The following STAM2 variants were observed in gnomAD, a reference collection of about 807,000 sequenced individuals.
STAM2 encodes signal transducing adaptor molecule 2.
In STAM2, 51 loss-of-function variants were observed where a neutral mutation model predicts 65.6. That is an observed-to-expected ratio of 0.78 (90% confidence interval 0.62 to 0.98). The LOEUF (loss-of-function observed/expected upper bound fraction) is 0.98, where lower values mean the gene tolerates loss of function less well. Among genes scored for constraint, STAM2 ranks in the 50% least tolerant of loss-of-function variants. The pLI is 0.00. For missense variants in STAM2, 584 were observed against 617.8 expected (o/e 0.95, Z 0.58); for synonymous variants, 198 against 208.4 (o/e 0.95, Z 0.43).
At chr2:152,133,067 G>A in intron 10 of STAM2, 106 bp downstream of exon 10, 1 of 432,174 alleles carries the variant, frequency 2.3e-6, no homozygotes, top group Non-Finnish European at 3.6e-6. Context: ...CCCCACCGGA[G>A]ATTTCTAACC....
intron 7 of STAM2, among the ~76,000 whole-genome samples, chr2:152,137,437 T>C (rs532349694): frequency 6.6e-6 from 1 of 152,306 alleles, no homozygotes; most frequent in South Asian, 2.1e-4. Context: ...TTTTTTTTCG[T>C]ATTTTTGCCC....
intron 8 of STAM2, among the ~76,000 whole-genome samples, chr2:152,134,403 TAGAG>T (rs1393348343): frequency 6.6e-6 from 1 of 152,190 alleles, no homozygotes; most frequent in Non-Finnish European, 1.5e-5. Flanking sequence ...CCTATCTACT[TAGAG>T]AGTCAGTTAA....
chr2:152,147,123 T>C (rs372344131), intron 5 of STAM2, 39 bp downstream of exon 5: 1 of 1,547,846 alleles, frequency 6.5e-7, no homozygotes, highest in African/African-American at 1.4e-5. Flanking sequence ...ACCTTCAAAA[T>C]ATTATAGGGT....
intron 1 of STAM2, among the ~76,000 whole-genome samples, chr2:152,164,165 C>G (rs1023450289): frequency 1.3e-5 from 2 of 152,074 alleles, no homozygotes; most frequent in African/African-American, 4.8e-5. Flanking sequence ...AAATTCTTCT[C>G]TTTGTACTCT....
chr2:152,141,574 A>C (rs556466399), intron 7 of STAM2, among the ~76,000 whole-genome samples: 51 of 151,300 alleles, frequency 3.4e-4, no homozygotes, highest in African/African-American at 1.2e-3. Flanking sequence ...CTATCAGCTC[A>C]ATGTTTTTTT....
At position 152,120,562 on chromosome 2, in the gene STAM2, C is replaced by T. The variant is rs139852594; in HGVS notation, c.*12G>A. On this transcript the variant is annotated 3_prime_UTR_variant, in exon 14 of 14. Coordinates refer to ENST00000263904, the MANE Select transcript of STAM2 (RefSeq NM_005843.6). ...ACTTATGAAGGCTTTCAAGAAAATG[C>T]TTGATTTGTTTCTAAAGGAGAGGCT... is the stretch of plus-strand genomic sequence containing the variant. 667 of 1,611,960 alleles carry T rather than the reference C, an allele frequency of 4.1e-4. 1 individual carries two copies. In the African/African-American group the frequency reaches 7.2e-3, roughly 17 times the overall value.
intron 7 of STAM2, among the ~76,000 whole-genome samples, chr2:152,139,533 C>T (rs1039406113): frequency 2.0e-5 from 3 of 152,182 alleles, no homozygotes; most frequent in African/African-American, 7.2e-5. Context: ...AACCACTGCA[C>T]TCCAGCCTCG....
At chr2:152,123,198 C>T (rs1460936634) in intron 13 of STAM2, among the ~76,000 whole-genome samples, 4 of 151,948 alleles carry the variant, frequency 2.6e-5, no homozygotes, top group African/African-American at 4.8e-5. Context: ...GCTGAAACCC[C>T]GTCTCTACTA....
chr2:152,143,583 C>A (rs1343970705), intron 7 of STAM2, among the ~76,000 whole-genome samples: 1 of 152,134 alleles, frequency 6.6e-6, no homozygotes, highest in East Asian at 1.9e-4. Context: ...CAATTGTGGT[C>A]ATCAACAATA....
In STAM2 at chr2:152,175,623, T is replaced by C. The variant is rs530875493; in HGVS notation, c.20A>G (p.Asn7Ser). 55 of 1,613,748 alleles carry C rather than the reference T, an allele frequency of 3.4e-5. No homozygotes were observed. The highest frequency in any genetic ancestry group is 3.3e-5 in the Admixed American group (2 of 59,968). ...CTCACCCACGTCTTGCTCGAAGGGG[T>C]TGGCGGTGAACAAAGGCATCTCGCC... MPLFTANPFEQDVEKAT... is the reference protein window; with the variant it reads MPLFTASPFEQDVEKAT... Residue 7 changes from asparagine to serine, a missense_variant, in exon 1 of 14, where the codon AAC becomes AGC. Asn to Ser is a conservative substitution (Grantham distance 46, BLOSUM62 1). Coordinates refer to ENST00000263904, the MANE Select transcript of STAM2 (RefSeq NM_005843.6).
chr2:152,175,507 C>T (rs2105576993), intron 1 of STAM2, 96 bp downstream of exon 1: 1 of 1,519,370 alleles, frequency 6.6e-7, no homozygotes, highest in Non-Finnish European at 9.1e-7. Context: ...CGCTTTGCTT[C>T]CTAGTCCCCG....
chr2:152,157,018 G>A (rs368284618), intron 1 of STAM2, among the ~76,000 whole-genome samples: 1 of 152,136 alleles, frequency 6.6e-6, no homozygotes, highest in Non-Finnish European at 1.5e-5. Flanking sequence ...TTTGAGGGAA[G>A]GGAAATATGT....
chr2:152,147,192 T>C lies in STAM2; in HGVS notation c.417A>G (p.Glu139=), dbSNP rs1689351218. ...AACCTGCTGGAGGAAAAGTAATTCC[T>C]TCTTCTTTCATAGATTTAATAGTTG... ...ISATIKSMKE[E]GITFPPAGSQ... The change falls in exon 5 of 14, where the codon GAA becomes GAG. Residue 139 remains glutamate (E), a synonymous_variant. Transcript: ENST00000263904. 6.2e-7 allele frequency: 1 copy of C among 1,609,002 alleles called. No individual in the cohort carries two copies.
chr2:152,163,791 C>T (rs181387794), intron 1 of STAM2, among the ~76,000 whole-genome samples: 33 of 152,184 alleles, frequency 2.2e-4, no homozygotes, highest in African/African-American at 5.3e-4. Flanking sequence ...GTGTCTTATG[C>T]GGTTGAGATA....
rs746695254 is a variant in STAM2 at position 152,135,490 on chromosome 2, C to T, written c.799+19G>A. 6 of 1,530,688 alleles carry T rather than the reference C, an allele frequency of 3.9e-6. No homozygotes were observed. In the African/African-American group the frequency reaches 4.1e-5, roughly 10 times the overall value. The allele number at this position is 1,530,688 out of a possible 1,614,324, so 94.8% of individuals were successfully genotyped here. ...AAAAAAACTTAAATAGATCTAATGT[C>T]GTCTAAGATTTAACTTACCTGCCTC... On this transcript the variant is annotated intron_variant, in intron 8 of 13. Transcript: ENST00000263904.
chr2:152,169,859 T>C (rs915145650), intron 1 of STAM2, among the ~76,000 whole-genome samples: 14 of 151,178 alleles, frequency 9.3e-5, no homozygotes, highest in African/African-American at 3.4e-4. Flanking sequence ...AGCTACACTT[T>C]TTTTTTTTTT....
intron 1 of STAM2, among the ~76,000 whole-genome samples, chr2:152,174,974 G>C (rs933152090): frequency 2.0e-5 from 3 of 152,134 alleles, no homozygotes; most frequent in African/African-American, 7.2e-5. Context: ...GGAGTGTTTT[G>C]AGACTGGAGA....
intron 1 of STAM2, among the ~76,000 whole-genome samples, chr2:152,159,584 C>T (rs547937576): frequency 3.2e-4 from 48 of 152,264 alleles, no homozygotes; most frequent in African/African-American, 1.1e-3. Context: ...ATCTCCTGAG[C>T]GTCCCTCATG....
intron 13 of STAM2, among the ~76,000 whole-genome samples, chr2:152,121,973 G>A (rs928718764): frequency 1.3e-5 from 2 of 151,816 alleles, no homozygotes; most frequent in South Asian, 2.1e-4. Context: ...GCATGAACCC[G>A]GGAGGTGGGG....
Sources: allele counts gnomAD v4.1 joint callset (sites outside exome capture counted in the v4.1 genomes callset), GRCh38; gene constraint gnomAD v4.1.1; transcripts MANE v1.5; gene names NCBI Gene and HGNC (gene_info 2026-07-23, HGNC 2026-07-21).